The following CWC27 variants were observed in gnomAD, a reference collection of about 807,000 sequenced individuals.
The protein encoded by CWC27 is CWC27 spliceosome associated cyclophilin, also known as spliceosome-associated protein CWC27 homolog.
A neutral mutation model predicts 63.6 loss-of-function variants in CWC27; 47 were observed. That is an observed-to-expected ratio of 0.74 (90% CI 0.58 to 0.94). CWC27 has a LOEUF of 0.94. Among genes scored for constraint, CWC27 ranks in the 40% least tolerant of loss-of-function variants. The pLI, the probability that CWC27 is intolerant of heterozygous loss-of-function variation, is 0.00. For synonymous variants in CWC27, 175 were observed against 179.8 expected, an observed-to-expected ratio of 0.97 and a Z score of 0.22; for missense variants, 495 against 554.3, an observed-to-expected ratio of 0.89 and a Z score of 1.07.
chr5:64,987,890 A>G (rs751360907), intron 13 of CWC27, among the ~76,000 whole-genome samples: 21 of 152,080 alleles, frequency 1.4e-4, no homozygotes, highest in Non-Finnish European at 2.5e-4. Flanking sequence ...TTTGATTTGC[A>G]TGAGTAGGTA....
At chr5:64,794,279 C>T (rs1744180180) in intron 7 of CWC27, among the ~76,000 whole-genome samples, 1 of 152,086 alleles carries the variant, frequency 6.6e-6, no homozygotes, top group Non-Finnish European at 1.5e-5. Flanking sequence ...ATAGTACAGT[C>T]AGATAGATTT....
intron 13 of CWC27, among the ~76,000 whole-genome samples, chr5:65,004,177 G>A (rs928722196): frequency 6.6e-6 from 1 of 152,090 alleles, no homozygotes; most frequent in African/African-American, 2.4e-5. Context: ...TGATTATAAT[G>A]TGGCTTTTAG....
At chr5:64,923,708 A>T (rs1385036636) in intron 11 of CWC27, among the ~76,000 whole-genome samples, 1 of 149,766 alleles carries the variant, frequency 6.7e-6, no homozygotes, top group African/African-American at 2.5e-5. Flanking sequence ...TTTTGAAAAG[A>T]CTTCCGTGAG....
intron 11 of CWC27, among the ~76,000 whole-genome samples, chr5:64,903,613 A>C (rs1212017577): frequency 1.3e-5 from 2 of 152,146 alleles, no homozygotes; most frequent in African/African-American, 4.8e-5. Flanking sequence ...TGATAGGTGC[A>C]GGAAACCACA....
intron 11 of CWC27, among the ~76,000 whole-genome samples, chr5:64,892,890 A>C (rs1747274957): frequency 6.6e-6 from 1 of 152,212 alleles, no homozygotes; most frequent in South Asian, 2.1e-4. Context: ...AAAGTCATTA[A>C]AATAAATCCT....
chr5:64,986,691 C>CCG (rs1044190958), intron 13 of CWC27, among the ~76,000 whole-genome samples: 1 of 151,966 alleles, frequency 6.6e-6, no homozygotes, highest in African/African-American at 2.4e-5. Context: ...CAGAGCCCCC[C>CCG]CCGGACTGGG....
intron 13 of CWC27, among the ~76,000 whole-genome samples, chr5:64,986,691 C>T (rs534678672): frequency 2.0e-5 from 3 of 151,964 alleles, no homozygotes; most frequent in Non-Finnish European, 4.4e-5. Flanking sequence ...CAGAGCCCCC[C>T]CCGGACTGGG....
At position 64,928,588 on chromosome 5, in the gene CWC27, A is replaced by G. The variant is rs533003728; in HGVS notation, c.1042+43042A>G. On this transcript the variant is annotated intron_variant, in intron 11 of 13. Transcript: ENST00000381070. ...AAGTGCACAACAAAGTGTGACACAC[A>G]CACACACACACACGTTTGCAGAAAA... Among the ~76,000 whole-genome samples, 54 of 152,288 alleles carry G rather than the reference A, an allele frequency of 3.5e-4. No individual in the cohort carries two copies. In the East Asian group the frequency reaches 7.5e-3, roughly 21 times the overall value.
intron 13 of CWC27, among the ~76,000 whole-genome samples, chr5:65,016,573 T>C (rs980438661): frequency 1.3e-5 from 2 of 152,200 alleles, no homozygotes; most frequent in South Asian, 2.1e-4. Context: ...TTTCTACTTA[T>C]TGCTTTCCAG....
intron 10 of CWC27, among the ~76,000 whole-genome samples, chr5:64,820,701 T>C (rs1247464441): frequency 1.3e-5 from 2 of 152,114 alleles, no homozygotes; most frequent in African/African-American, 2.4e-5. Context: ...TTTCAACAAA[T>C]GGTACTGGAA....
intron 9 of CWC27, among the ~76,000 whole-genome samples, chr5:64,801,960 A>G (rs1337283141): frequency 6.6e-6 from 1 of 152,210 alleles, no homozygotes; most frequent in Admixed American, 6.6e-5. Context: ...AGATTTATCT[A>G]TTATCACAGT....
In CWC27 at chr5:64,922,886, C is replaced by T. The variant is rs1452025369; in HGVS notation, c.1042+37340C>T. On this transcript the variant is annotated intron_variant, in intron 11 of 13. Coordinates refer to ENST00000381070, the MANE Select transcript of CWC27 (RefSeq NM_005869.4). ...TTCGTTTCTGGATGCTTTTGGAGGG[C>T]GCGGGCTCAGCTTCACACTCCTGGG... 4.6e-5 allele frequency among the ~76,000 whole-genome samples: 7 copies of T among 152,284 alleles called. No homozygotes were observed. The South Asian group carries it at 6.2e-4, about 14-fold the overall frequency.
chr5:64,876,128 T>C (rs2112331331), intron 10 of CWC27, among the ~76,000 whole-genome samples: 1 of 152,256 alleles, frequency 6.6e-6, no homozygotes, highest in East Asian at 1.9e-4. Context: ...GATATAAGTA[T>C]ACATTTTCAA....
At chr5:64,854,503 T>C (rs1388097216) in intron 10 of CWC27, among the ~76,000 whole-genome samples, 1 of 152,230 alleles carries the variant, frequency 6.6e-6, no homozygotes, top group Non-Finnish European at 1.5e-5. Context: ...TGAGAAATAT[T>C]GACATAATTC....
At chr5:64,812,471 G>T (rs1228364840) in intron 10 of CWC27, among the ~76,000 whole-genome samples, 2 of 152,050 alleles carry the variant, frequency 1.3e-5, no homozygotes, top group Non-Finnish European at 2.9e-5. Flanking sequence ...TCTATATACT[G>T]GGTAGTTGGT....
At chr5:64,873,388 T>A (rs997707486) in intron 10 of CWC27, among the ~76,000 whole-genome samples, 1 of 152,048 alleles carries the variant, frequency 6.6e-6, no homozygotes, top group Non-Finnish European at 1.5e-5. Context: ...TAAATAGGTC[T>A]TCTCTGTGAT....
chr5:64,877,704 T>G (rs534057050), intron 10 of CWC27, among the ~76,000 whole-genome samples: 2 of 152,046 alleles, frequency 1.3e-5, no homozygotes, highest in East Asian at 1.9e-4. Flanking sequence ...TCAATAAAAA[T>G]TGTAAATAAA....
chr5:64,930,664 A>T (rs950920294), intron 11 of CWC27, among the ~76,000 whole-genome samples: 2 of 152,182 alleles, frequency 1.3e-5, no homozygotes, highest in Non-Finnish European at 1.5e-5. Context: ...GATGAAGAAC[A>T]GTATATTGGC....
At chr5:64,802,075 T>G (rs968282549) in intron 9 of CWC27, among the ~76,000 whole-genome samples, 1 of 152,132 alleles carries the variant, frequency 6.6e-6, no homozygotes, top group Admixed American at 6.6e-5. Flanking sequence ...ATTTATGTCT[T>G]ATATGAGAGT....
Sources: gnomAD v4.1 joint callset for allele counts (sites outside exome capture counted in the v4.1 genomes callset) on GRCh38, gnomAD v4.1.1 for gene constraint, MANE v1.5 for transcripts, NCBI Gene and HGNC (gene_info 2026-07-23, HGNC 2026-07-21) for gene names.